The following ESR2 variants were observed in gnomAD, a reference collection of about 807,000 sequenced individuals.
ESR2 encodes estrogen receptor 2, also known as estrogen receptor beta.
Under a neutral mutation model 49.6 loss-of-function variants are expected in ESR2, and 36 were observed. That is an observed-to-expected ratio of 0.73 (90% CI 0.56 to 0.96). The LOEUF is 0.96. ESR2 is among the 40% of genes least tolerant of loss of function. ESR2 has a pLI of 0.00. For missense variants in ESR2, 714 were observed against 693.0 expected (o/e 1.03, Z -0.34); for synonymous variants, 320 against 266.1 (o/e 1.20, Z -1.97).
intron 7 of ESR2, among the ~76,000 whole-genome samples, chr14:64,236,888 CCA>C (rs946328142): frequency 2.0e-5 from 3 of 152,000 alleles, no homozygotes; most frequent in African/African-American, 4.8e-5. Context: ...TGCCTTGTCC[CCA>C]CACACACCCC....
chr14:64,282,318 C>A (rs1211080255), intron 2 of ESR2, among the ~76,000 whole-genome samples: 3 of 152,246 alleles, frequency 2.0e-5, no homozygotes, highest in South Asian at 4.1e-4. Context: ...ATACTCCAGT[C>A]TGAGTGACAG....
At chr14:64,302,280 G>A (rs978860225) in intron 1 of ESR2, among the ~76,000 whole-genome samples, 6 of 151,336 alleles carry the variant, frequency 4.0e-5, no homozygotes, top group Non-Finnish European at 7.4e-5. Context: ...TCTGTCTCCC[G>A]GGTTCATGCC....
At chr14:64,266,215 G>A (rs371078601) in intron 4 of ESR2, among the ~76,000 whole-genome samples, 1 of 152,178 alleles carries the variant, frequency 6.6e-6, no homozygotes, top group Admixed American at 6.5e-5. Context: ...GTTTTTCAGG[G>A]AAGGAGAGAG....
chr14:64,240,556 C>G (rs1464713239), intron 7 of ESR2, among the ~76,000 whole-genome samples: 1 of 152,162 alleles, frequency 6.6e-6, no homozygotes, highest in Non-Finnish European at 1.5e-5. Context: ...ACCTGACATG[C>G]AATAACCTGC....
intron 1 of ESR2, among the ~76,000 whole-genome samples, chr14:64,285,835 AAAAAAAAG>A (rs1411238509): frequency 0.012 from 1,799 of 151,040 alleles, 11 homozygotes; most frequent in Non-Finnish European, 0.021. Context: ...TCAAAAAAAA[AAAAAAAAG>A]AAAAAGAAAA....
rs764429735 is a variant in ESR2 at position 64,260,731 on chromosome 14, A to ATC, written c.668_669dup (p.Cys224AspfsTer41). Reference sequence around the variant, plus strand: ...TGTCTCCGCACAAGGCGGTACCCACATCTCTCTCTCCGGGAGCCTGAAGAG... The same window carrying ATC: ...TGTCTCCGCACAAGGCGGTACCCACATCTCTCTCTCTCCGGGAGCCTGAAGAG... On this transcript the variant is annotated frameshift_variant, in exon 5 of 9. Coordinates refer to ENST00000341099, the MANE Select transcript of ESR2 (RefSeq NM_001437.3). LOFTEE classifies it high-confidence loss of function. 1 of 1,503,550 alleles carries ATC rather than the reference A, an allele frequency of 6.7e-7. No homozygotes were observed. Among genetic ancestry groups the ATC allele is most frequent in the Non-Finnish European group, 8.9e-7 (1 of 1,123,678 alleles). The allele number at this position is 1,503,550 out of a possible 1,614,324, so 93.1% of individuals were successfully genotyped here. A position where few individuals can be genotyped will look rare whatever the true frequency, so the allele number is the denominator to read the frequency against.
chr14:64,241,217 G>A (rs2075723018), intron 7 of ESR2, among the ~76,000 whole-genome samples: 1 of 150,566 alleles, frequency 6.6e-6, no homozygotes, highest in Non-Finnish European at 1.5e-5. Context: ...GGTGTGTTAA[G>A]TATATTTTTG....
Position 64,300,081 on chromosome 14 carries a change from T to C in ESR2, c.-90-17006A>G, listed in dbSNP as rs147653661. On this transcript the variant is annotated intron_variant, in intron 1 of 8. Transcript: ENST00000358599. Reference sequence around the variant, plus strand: ...CAGCTTACTAGGAGGACTGCTGTCCTGGCATGACACTGGCTTCTAGTTAAC... The same window carrying C: ...CAGCTTACTAGGAGGACTGCTGTCCCGGCATGACACTGGCTTCTAGTTAAC... 4.1e-3 allele frequency among the ~76,000 whole-genome samples: 627 copies of C among 152,348 alleles called. 2 individuals carry two copies. Among genetic ancestry groups the C allele is most frequent in the African/African-American group, 0.014 (596 of 41,580 alleles).
At chr14:64,291,479 A>C (rs544248502) in intron 1 of ESR2, among the ~76,000 whole-genome samples, 10 of 152,350 alleles carry the variant, frequency 6.6e-5, no homozygotes, top group African/African-American at 2.4e-4. Context: ...AAGGTAAGTT[A>C]CATATTTAAA....
chr14:64,268,625 C>T (rs1310052754), intron 4 of ESR2, among the ~76,000 whole-genome samples, 170 bp downstream of exon 4: 1 of 152,196 alleles, frequency 6.6e-6, no homozygotes, highest in Non-Finnish European at 1.5e-5. Flanking sequence ...CCAGCTCTGT[C>T]CTCTGCAGTT....
chr14:64,282,968 T>C lies in ESR2; in HGVS notation c.18A>G (p.Ser6=), dbSNP rs2076711421. The change falls in exon 2 of 9, where the codon TCA becomes TCG. Residue 6 remains serine, a synonymous_variant. Coordinates refer to ENST00000341099, the MANE Select transcript of ESR2 (RefSeq NM_001437.3). The part of the protein sequence containing the change: MDIKN[S]PSSLNSPSSY... Reference sequence around the variant, plus strand: ...AGGAAGGAGAATTAAGGCTAGATGGTGAGTTTTTTATATCCATGTCTTGAG... The same window carrying C: ...AGGAAGGAGAATTAAGGCTAGATGGCGAGTTTTTTATATCCATGTCTTGAG... 2 of 1,612,522 alleles carry C rather than the reference T, an allele frequency of 1.2e-6. No homozygotes were observed. Among genetic ancestry groups the C allele is most frequent in the Non-Finnish European group, 1.7e-6 (2 of 1,179,034 alleles).
intron 4 of ESR2, among the ~76,000 whole-genome samples, chr14:64,261,232 C>CTTTCTTTTTTTTTTTT (rs1555577156): frequency 7.9e-5 from 7 of 88,680 alleles, no homozygotes; most frequent in African/African-American, 1.9e-4. Flanking sequence ...TTTTATTTTT[C>CTTTCTTTTTTTTTTTT]TTTTTTCTTT....
intron 7 of ESR2, among the ~76,000 whole-genome samples, chr14:64,239,374 C>T (rs2075673371): frequency 6.6e-6 from 1 of 152,166 alleles, no homozygotes; most frequent in Non-Finnish European, 1.5e-5. Context: ...GGGTTTAAGC[C>T]AGTGTCTCTT....
At chr14:64,227,587 GGTGA>G (rs1162188496), downstream of ESR2, 1 of 1,614,204 alleles carries the variant, frequency 6.2e-7, no homozygotes, top group South Asian at 1.1e-5. Context: ...TTCCAAATGA[GGTGA>G]GTGTTTGAGA....
intron 5 of ESR2, among the ~76,000 whole-genome samples, chr14:64,258,554 T>C (rs1190862548): frequency 6.6e-6 from 1 of 152,220 alleles, no homozygotes; most frequent in Non-Finnish European, 1.5e-5. Flanking sequence ...TCTCTGAGAA[T>C]GTCTTATAGG....
At chr14:64,235,589 C>T (rs916957475) in intron 7 of ESR2, among the ~76,000 whole-genome samples, 7 of 152,236 alleles carry the variant, frequency 4.6e-5, no homozygotes, top group African/African-American at 1.7e-4. Flanking sequence ...GATGAAGCCT[C>T]CTCTGCCACC....
chr14:64,334,468 A>C (rs570687735), intron 1 of ESR2, among the ~76,000 whole-genome samples: 1 of 152,212 alleles, frequency 6.6e-6, no homozygotes, highest in South Asian at 2.1e-4. Context: ...ATGACAAGGC[A>C]GCTGCTTTAC....
At chr14:64,233,748 T>C (rs2098729650) in intron 8 of ESR2, 1 of 168,338 alleles carries the variant, frequency 5.9e-6, no homozygotes, top group Admixed American at 5.7e-5. Context: ...ATGTGATAAA[T>C]ACCATTGACT....
chr14:64,321,622 T>C (rs2077325268), intron 1 of ESR2, among the ~76,000 whole-genome samples: 1 of 152,170 alleles, frequency 6.6e-6, no homozygotes, highest in African/African-American at 2.4e-5. Context: ...GAAATTTGAT[T>C]AGCACAATCT....
Sources: allele counts gnomAD v4.1 joint callset (sites outside exome capture counted in the v4.1 genomes callset), GRCh38; gene constraint gnomAD v4.1.1; transcripts MANE v1.5; gene names NCBI Gene and HGNC (gene_info 2026-07-23, HGNC 2026-07-21).